GPATCH2: variants seen among roughly 807,000 people sequenced by gnomAD.
The protein encoded by GPATCH2 is G-patch domain containing 2.
A neutral mutation model predicts 58.0 loss-of-function variants in GPATCH2; 51 were observed. The ratio of observed to expected loss-of-function variants is 0.88; its 90% confidence interval spans 0.70 to 1.11. The LOEUF is 1.11. Ranked by LOEUF, GPATCH2 falls within the 50% of genes most tolerant of loss-of-function variation. GPATCH2 has a pLI of 0.00. For missense variants in GPATCH2, 625 were observed against 652.2 expected (o/e 0.96, Z 0.45); for synonymous variants, 222 against 218.5 (o/e 1.02, Z -0.14).
intron 7 of GPATCH2, among the ~76,000 whole-genome samples, chr1:217,493,272 C>G (rs1243307096): frequency 6.6e-6 from 1 of 152,150 alleles, no homozygotes; most frequent in Non-Finnish European, 1.5e-5. Flanking sequence ...AAATCTTGTA[C>G]AAGGCTTTCA....
chr1:217,497,257 A>G (rs1256450563), intron 7 of GPATCH2, among the ~76,000 whole-genome samples: 1 of 152,186 alleles, frequency 6.6e-6, no homozygotes, highest in Non-Finnish European at 1.5e-5. Flanking sequence ...CAGAAAGTCT[A>G]ATTTTTGTAT....
At chr1:217,540,970 G>T (rs1664710609) in intron 5 of GPATCH2, among the ~76,000 whole-genome samples, 2 of 152,164 alleles carry the variant, frequency 1.3e-5, no homozygotes, top group South Asian at 4.1e-4. Flanking sequence ...GTACATAAGA[G>T]CCAGATGTAT....
At chr1:217,630,856 GCGGCCT>G in intron 1 of GPATCH2, 54 bp downstream of exon 1, 2 of 1,253,180 alleles carry the variant, frequency 1.6e-6, no homozygotes, top group Non-Finnish European at 1.1e-6. Flanking sequence ...GTCCAGCGGA[GCGGCCT>G]CGGGCAATCA....
chr1:217,593,904 A>G (rs187422071), intron 5 of GPATCH2, among the ~76,000 whole-genome samples: 2 of 152,280 alleles, frequency 1.3e-5, no homozygotes, highest in African/African-American at 2.4e-5. Context: ...AAAACAAAAC[A>G]AAATAAAAAT....
At chr1:217,608,718 T>G (rs1670363780) in intron 5 of GPATCH2, 1 of 984,060 alleles carries the variant, frequency 1.0e-6, no homozygotes, top group Non-Finnish European at 1.2e-6. Flanking sequence ...ACAGTCATTA[T>G]ACAAAATAAA....
chr1:217,539,258 G>T (rs570542676), intron 5 of GPATCH2, among the ~76,000 whole-genome samples: 1 of 151,282 alleles, frequency 6.6e-6, no homozygotes, highest in East Asian at 1.9e-4. Flanking sequence ...TAAATACCAC[G>T]TTGAAAAAAA....
rs749462909 is a variant in GPATCH2 at position 217,491,737 on chromosome 1, C to G, written c.1220G>C (p.Arg407Thr). The stretch of plus-strand genomic sequence containing the variant: ...GTGTCCTCTTTCAGCTCGATTATCT[C>G]TCAGAAGCTGATGCTACACAAAGTG... ...RTEHDQHQLLRDNRAERGHKK... is the reference protein window; with the variant it reads ...RTEHDQHQLLTDNRAERGHKK... Residue 407 changes from arginine to threonine, a missense_variant, in exon 8 of 10, where the codon AGA becomes ACA. Transcript: ENST00000366935. The G allele has an allele frequency of 7.0e-7, 1 of 1,428,790 alleles. No homozygotes were observed. The highest frequency in any genetic ancestry group is 2.4e-5 in the East Asian group (1 of 41,554). The allele number at this position is 1,428,790 out of a possible 1,614,324, so 88.5% of individuals were successfully genotyped here. A position where few individuals can be genotyped will look rare whatever the true frequency, so the allele number is the denominator to read the frequency against.
chr1:217,558,553 A>G (rs1439646252), intron 5 of GPATCH2, among the ~76,000 whole-genome samples: 1 of 152,168 alleles, frequency 6.6e-6, no homozygotes, highest in Non-Finnish European at 1.5e-5. Context: ...GCCAATCCCT[A>G]TTCTTTAGCA....
chr1:217,439,317 A>G (rs961212578), intron 9 of GPATCH2, among the ~76,000 whole-genome samples: 8 of 152,216 alleles, frequency 5.3e-5, no homozygotes, highest in African/African-American at 1.9e-4. Context: ...ATTTGAAACC[A>G]ATGAGAACAA....
At chr1:217,556,397 G>A (rs1161621683) in intron 5 of GPATCH2, among the ~76,000 whole-genome samples, 1 of 152,144 alleles carries the variant, frequency 6.6e-6, no homozygotes, top group African/African-American at 2.4e-5. Flanking sequence ...TACCACTGGT[G>A]TATGTATCCC....
intron 5 of GPATCH2, among the ~76,000 whole-genome samples, chr1:217,593,737 A>C (rs1558510159): frequency 6.6e-6 from 1 of 151,060 alleles, no homozygotes; most frequent in Non-Finnish European, 1.5e-5. Context: ...AAATTTTTCT[A>C]TGTTTTCGGC....
intron 9 of GPATCH2, among the ~76,000 whole-genome samples, chr1:217,441,741 A>T (rs1659151259): frequency 6.6e-6 from 1 of 152,232 alleles, no homozygotes. Context: ...ATATGAAAAA[A>T]AGCTCATCAT....
chr1:217,615,775 T>C (rs1181088395), intron 2 of GPATCH2, among the ~76,000 whole-genome samples: 1 of 152,168 alleles, frequency 6.6e-6, no homozygotes, highest in Non-Finnish European at 1.5e-5. Context: ...ATATCCACAT[T>C]AAGTACAGGT....
At chr1:217,493,652 G>A (rs1011187456) in intron 7 of GPATCH2, among the ~76,000 whole-genome samples, 2 of 152,042 alleles carry the variant, frequency 1.3e-5, no homozygotes, top group African/African-American at 4.8e-5. Flanking sequence ...ATCTGAAAGT[G>A]TTTCAATTTA....
At chr1:217,584,237 C>G (rs2102750001) in intron 5 of GPATCH2, among the ~76,000 whole-genome samples, 1 of 150,546 alleles carries the variant, frequency 6.6e-6, no homozygotes, top group South Asian at 2.1e-4. Flanking sequence ...GTGGCTCACA[C>G]CTGTAATACT....
At chr1:217,524,269 C>G (rs1459601163) in intron 5 of GPATCH2, among the ~76,000 whole-genome samples, 1 of 147,890 alleles carries the variant, frequency 6.8e-6, no homozygotes, top group Non-Finnish European at 1.5e-5. Context: ...ACGGGGCGGC[C>G]GGGCAGAGAC....
chr1:217,597,945 A>G (rs935149811), intron 5 of GPATCH2, among the ~76,000 whole-genome samples: 1 of 152,232 alleles, frequency 6.6e-6, no homozygotes, highest in Non-Finnish European at 1.5e-5. Context: ...TGTGCTGTCA[A>G]CTGGGACTGT....
At chr1:217,578,741 A>G (rs894438390) in intron 5 of GPATCH2, among the ~76,000 whole-genome samples, 3 of 152,242 alleles carry the variant, frequency 2.0e-5, no homozygotes, top group Non-Finnish European at 4.4e-5. Context: ...TTTGTCTTTT[A>G]AAGTCAAGTT....
intron 5 of GPATCH2, among the ~76,000 whole-genome samples, chr1:217,557,129 G>A (rs748887007): frequency 3.3e-5 from 5 of 152,056 alleles, no homozygotes; most frequent in East Asian, 1.9e-4. Context: ...CAAGTTGGCC[G>A]GGTGCGGTGG....
Sources: allele counts gnomAD v4.1 joint callset (sites outside exome capture counted in the v4.1 genomes callset), GRCh38; gene constraint gnomAD v4.1.1; transcripts MANE v1.5; gene names NCBI Gene and HGNC (gene_info 2026-07-23, HGNC 2026-07-21).